The following NRIP1 variants were observed in gnomAD, a reference collection of about 807,000 sequenced individuals.
The protein encoded by NRIP1 is nuclear receptor-interacting protein 1.
In NRIP1, 28 loss-of-function variants were observed where a neutral mutation model predicts 75.0. The ratio of observed to expected loss-of-function variants is 0.37; its 90% confidence interval spans 0.28 to 0.51. The LOEUF is 0.51. NRIP1 is among the 20% of genes least tolerant of loss of function. NRIP1 has a pLI of 0.92. For missense variants in NRIP1, 1,435 were observed against 1,343.7 expected, an observed-to-expected ratio of 1.07 and a Z score of -1.06; for synonymous variants, 526 against 487.6, an observed-to-expected ratio of 1.08 and a Z score of -1.04.
chr21:15,030,435 G>A (rs2088617022), intron 2 of NRIP1, among the ~76,000 whole-genome samples: 1 of 152,112 alleles, frequency 6.6e-6, no homozygotes, highest in Admixed American at 6.6e-5. Flanking sequence ...AGAAGTCAGG[G>A]GTTTTCCCTT....
intron 3 of NRIP1, among the ~76,000 whole-genome samples, chr21:14,977,064 C>T (rs543820602): frequency 6.6e-6 from 1 of 152,166 alleles, no homozygotes; most frequent in South Asian, 2.1e-4. Context: ...CCTCAAAATG[C>T]GTAAGTAATC....
At position 14,965,008 on chromosome 21, in the gene NRIP1, G is replaced by T. The variant is rs775187262; in HGVS notation, c.3185C>A (p.Thr1062Asn). 1.9e-6 allele frequency: 3 copies of T among 1,613,924 alleles called. No homozygotes were observed. The highest frequency in any genetic ancestry group is 2.5e-6 in the Non-Finnish European group (3 of 1,179,896). Residue 1062 changes from threonine to asparagine, a missense_variant, in exon 4 of 4, where the codon ACC (threonine) becomes AAC (asparagine). By Grantham distance (65) the Thr-to-Asn change is moderately conservative (BLOSUM62 0). Coordinates refer to ENST00000318948, the MANE Select transcript of NRIP1 (RefSeq NM_003489.4). ...GTAATATAGTATTGGGTTGGTTTTG[G>T]TCAATCTTGGAGAGTCTTTTTCATA... The part of the protein sequence containing the change: ...NEYEKDSPRL[T>N]KTNPILYYML...
chr21:14,987,721 G>C (rs1349069901), intron 3 of NRIP1, among the ~76,000 whole-genome samples: 1 of 152,172 alleles, frequency 6.6e-6, no homozygotes, highest in Non-Finnish European at 1.5e-5. Context: ...CTTTATCACA[G>C]GTGCTTTAAG....
intron 3 of NRIP1, among the ~76,000 whole-genome samples, chr21:14,978,212 A>AG (rs780086814): frequency 6.6e-6 from 1 of 152,230 alleles, no homozygotes; most frequent in Non-Finnish European, 1.5e-5. Flanking sequence ...CATGTATATG[A>AG]GGACCCCTCT....
rs145042966 is a variant in NRIP1 at position 14,965,354 on chromosome 21, G to A, written c.2839C>T (p.Arg947Ter). ...TTACTTCTGTGCGGGGACAAATCTC[G>A]CACACAGTTTTCTGAGAGAAGCAGC... ...KQLLLSENCV[R>*]DLSPHRSNSV... Residue 947 changes from arginine (R) to a stop codon, truncating the protein, a stop_gained, in exon 4 of 4, where the codon CGA becomes TGA. Coordinates refer to ENST00000318948, the MANE Select transcript of NRIP1 (RefSeq NM_003489.4). LOFTEE classifies it high-confidence loss of function. The A allele has an allele frequency of 1.9e-6, 3 of 1,613,928 alleles. No homozygotes were observed. The highest frequency in any genetic ancestry group is 1.7e-6 in the Non-Finnish European group (2 of 1,179,930).
chr21:15,000,046 A>G (rs1284608164), intron 3 of NRIP1, among the ~76,000 whole-genome samples: 1 of 152,240 alleles, frequency 6.6e-6, no homozygotes, highest in East Asian at 1.9e-4. Context: ...GTAGATCTGC[A>G]TATGAGGGGA....
At chr21:15,038,077 T>C (rs1016042889) in intron 2 of NRIP1, among the ~76,000 whole-genome samples, 5 of 152,092 alleles carry the variant, frequency 3.3e-5, no homozygotes, top group African/African-American at 9.7e-5. Flanking sequence ...TTGACTGCAA[T>C]CAAATGTTAA....
chr21:14,983,249 G>A (rs1476434396), intron 3 of NRIP1, among the ~76,000 whole-genome samples: 2 of 151,478 alleles, frequency 1.3e-5, no homozygotes, highest in East Asian at 1.9e-4. Context: ...AATTAAAAAT[G>A]TCACTCCAGT....
In NRIP1 at chr21:15,031,173, G is replaced by A. The variant is rs8127414; in HGVS notation, c.-458+12322C>T. Among the ~76,000 whole-genome samples the A allele has an allele frequency of 5.6e-3, 623 of 110,266 alleles. 2 individuals carry two copies. The highest frequency in any genetic ancestry group is 0.037 in the Middle Eastern group (5 of 136). 72.3% of individuals were successfully genotyped at this position (110,266 alleles called of 152,430 possible). On this transcript the variant is annotated intron_variant, in intron 2 of 3. Transcript: ENST00000318948. The stretch of plus-strand genomic sequence containing the variant: ...ATCACCACATTCCCTTTCTATGTGT[G>A]TACACTCTGGAAGGCGTTCAGAGGT...
chr21:15,017,217 T>C (rs1424877927), intron 2 of NRIP1, among the ~76,000 whole-genome samples: 1 of 152,084 alleles, frequency 6.6e-6, no homozygotes, highest in African/African-American at 2.4e-5. Context: ...AACATTACTA[T>C]TATCATTATT....
chr21:14,968,285 T>G lies in NRIP1; in HGVS notation c.-93A>C. 1 of 787,392 alleles carries G rather than the reference T, an allele frequency of 1.3e-6. No individual in the cohort carries two copies. The highest frequency in any genetic ancestry group is 1.8e-5 in the South Asian group (1 of 55,262). 48.8% of individuals were successfully genotyped at this position (787,392 alleles called of 1,614,324 possible). On this transcript the variant is annotated 5_prime_UTR_variant, in exon 4 of 4. Coordinates refer to ENST00000318948, the MANE Select transcript of NRIP1 (RefSeq NM_003489.4). Reference sequence around the variant, plus strand: ...GCGATGTAACTTTAATAAAGGAGTATCAGTTTATCACCTTCCATCGCAATC... The same window carrying G: ...GCGATGTAACTTTAATAAAGGAGTAGCAGTTTATCACCTTCCATCGCAATC...
chr21:15,020,576 A>G (rs1169562662), intron 2 of NRIP1, among the ~76,000 whole-genome samples: 2 of 152,214 alleles, frequency 1.3e-5, no homozygotes, highest in Non-Finnish European at 2.9e-5. Context: ...CCATTTAAAA[A>G]AATTAAAAAT....
intron 1 of NRIP1, among the ~76,000 whole-genome samples, chr21:15,044,372 A>C (rs532357308): frequency 6.6e-6 from 1 of 151,184 alleles, no homozygotes; most frequent in Non-Finnish European, 1.5e-5. Flanking sequence ...TCATACTTTC[A>C]GGAACAAAAG....
chr21:15,019,719 C>A (rs929004980), intron 2 of NRIP1, among the ~76,000 whole-genome samples: 4 of 151,808 alleles, frequency 2.6e-5, no homozygotes, highest in Non-Finnish European at 4.4e-5. Flanking sequence ...AACTCCTGAC[C>A]TCAGGTGATC....
At position 14,964,795 on chromosome 21, in the gene NRIP1, G is replaced by A. The variant is rs939937575; in HGVS notation, c.3398C>T (p.Ala1133Val). The A allele has an allele frequency of 1.2e-6, 2 of 1,610,058 alleles. No individual in the cohort carries two copies. The highest frequency in any genetic ancestry group is 1.3e-5 in the African/African-American group (1 of 74,492). Residue 1133 changes from alanine (A) to valine (V), a missense_variant, in exon 4 of 4, where the codon GCT (alanine) becomes GTT (valine). Transcript: ENST00000318948. The stretch of plus-strand genomic sequence containing the variant: ...TCCATTTGCGCTGTGTGGGCGAGAA[G>A]CATTATTTCCCATATGGCTATTGTA... Reference protein sequence around the residue: ...SPYNSHMGNNASRPHSANGEV... With the variant: ...SPYNSHMGNNVSRPHSANGEV...
In NRIP1 at chr21:14,963,287, G is replaced by A. The variant is rs991960651; in HGVS notation, c.*1429C>T. 4.6e-5 allele frequency: 7 copies of A among 152,470 alleles called. No homozygotes were observed. Among genetic ancestry groups the A allele is most frequent in the African/African-American group, 1.7e-4 (7 of 41,420 alleles). 9.4% of individuals were successfully genotyped at this position (152,470 alleles called of 1,614,324 possible). ...AAGGTTAAGGATGCATTCAGGAGAAGTTTCCAAACCATCCTGGAATCACCT... is the reference window on the plus strand; with the variant it reads ...AAGGTTAAGGATGCATTCAGGAGAAATTTCCAAACCATCCTGGAATCACCT... On this transcript the variant is annotated 3_prime_UTR_variant, in exon 4 of 4. Coordinates refer to ENST00000318948, the MANE Select transcript of NRIP1 (RefSeq NM_003489.4).
In NRIP1 at chr21:14,966,340, C is replaced by A. The variant is rs765284925; in HGVS notation, c.1853G>T (p.Gly618Val). Residue 618 changes from glycine to valine, a missense_variant, in exon 4 of 4, where the codon GGT (glycine) becomes GTT (valine). Coordinates refer to ENST00000318948, the MANE Select transcript of NRIP1 (RefSeq NM_003489.4). ...PPGEKPAQNE[G>V]AQNSATFSAS... Reference sequence around the variant, plus strand: ...ACTAAACGTTGCAGAGTTCTGTGCACCTTCATTTTGGGCTGGTTTCTCTCC... The same window carrying A: ...ACTAAACGTTGCAGAGTTCTGTGCAACTTCATTTTGGGCTGGTTTCTCTCC... 13 of 1,613,958 alleles carry A rather than the reference C, an allele frequency of 8.1e-6. No homozygotes were observed. The Admixed American group carries it at 1.3e-4, about 17-fold the overall frequency.
At chr21:14,998,876 T>C (rs1286500842) in intron 3 of NRIP1, among the ~76,000 whole-genome samples, 1 of 152,180 alleles carries the variant, frequency 6.6e-6, no homozygotes, top group Non-Finnish European at 1.5e-5. Flanking sequence ...CAGTAGGCTA[T>C]CAGTAGTTAA....
intron 3 of NRIP1, among the ~76,000 whole-genome samples, chr21:14,985,410 G>A (rs1420566143): frequency 2.6e-5 from 4 of 152,142 alleles, no homozygotes; most frequent in African/African-American, 9.7e-5. Context: ...CCTACAGAGA[G>A]TTCTGTGGGT....
Sources: allele counts gnomAD v4.1 joint callset (sites outside exome capture counted in the v4.1 genomes callset), GRCh38; gene constraint gnomAD v4.1.1; transcripts MANE v1.5; gene names NCBI Gene and HGNC (gene_info 2026-07-23, HGNC 2026-07-21).